Variants in RAD54L2 observed in about 807,000 individuals in gnomAD.
The protein encoded by RAD54L2 is RAD54 like 2, also known as helicase ARIP4.
Under a neutral mutation model 138.4 loss-of-function variants are expected in RAD54L2, and 27 were observed. The ratio of observed to expected loss-of-function variants is 0.20; its 90% confidence interval spans 0.14 to 0.27. The LOEUF (loss-of-function observed/expected upper bound fraction) is 0.27, where lower values mean the gene tolerates loss of function less well. RAD54L2 is among the 10% of genes least tolerant of loss of function. The probability of loss-of-function intolerance (pLI) is 1.00; values close to 1 mark genes in which losing one functional copy is unlikely to be tolerated. For missense variants in RAD54L2, 1,396 were observed against 1,890.2 expected (o/e 0.74, Z 4.85); for synonymous variants, 644 against 723.2 (o/e 0.89, Z 1.76).
In RAD54L2 at chr3:51,629,347, G is replaced by C. The variant is rs949793333; in HGVS notation, c.355G>C (p.Glu119Gln). The C allele has an allele frequency of 3.8e-6, 6 of 1,591,166 alleles. No individual in the cohort carries two copies. The highest frequency in any genetic ancestry group is 4.3e-6 in the Non-Finnish European group (5 of 1,168,704). Residue 119 changes from glutamate to glutamine, a missense_variant, in exon 5 of 23, where the codon GAG (glutamate) becomes CAG (glutamine). By Grantham distance (29) the Glu-to-Gln change is conservative. This residue lies in a region of RAD54L2 where 256 missense variants were observed against 344.6 expected (regional missense o/e 0.74). Coordinates refer to ENST00000684192, the MANE Select transcript of RAD54L2 (RefSeq NM_015106.4). Reference sequence around the variant, plus strand: ...GTGAATGTTTAGAAAGCTACTCCGGGAGGATCAATTGGAGCCTGTTACCAA... The same window carrying C: ...GTGAATGTTTAGAAAGCTACTCCGGCAGGATCAATTGGAGCCTGTTACCAA... The part of the protein sequence containing the change: ...MRRNIRKLLR[E>Q]DQLEPVTKAA...
intron 15 of RAD54L2, among the ~76,000 whole-genome samples, chr3:51,643,286 G>A (rs1321885202): frequency 6.6e-6 from 1 of 152,170 alleles, no homozygotes. Context: ...GCACGCCTTG[G>A]CCTCCCAAAC....
intron 7 of RAD54L2, among the ~76,000 whole-genome samples, chr3:51,633,186 C>CTG (rs1432243589): frequency 6.6e-6 from 1 of 152,200 alleles, no homozygotes; most frequent in Admixed American, 6.5e-5. Context: ...CACCACTGCA[C>CTG]TCCAGCCTGG....
At chr3:51,548,629 G>A (rs1698759063) in intron 2 of RAD54L2, among the ~76,000 whole-genome samples, 1 of 152,144 alleles carries the variant, frequency 6.6e-6, no homozygotes, top group South Asian at 2.1e-4. Context: ...GAAAAGCTGG[G>A]AATTGCTGCC....
chr3:51,558,458 C>CT (rs908502507), intron 2 of RAD54L2, among the ~76,000 whole-genome samples: 2 of 45,590 alleles, frequency 4.4e-5, no homozygotes, highest in Non-Finnish European at 8.1e-5. Context: ...TGAAGGTCCA[C>CT]TTCTCTCTCT....
intron 19 of RAD54L2, among the ~76,000 whole-genome samples, chr3:51,647,379 C>T (rs9839516): frequency 0.044 from 6,755 of 152,060 alleles, 496 homozygotes; most frequent in African/African-American, 0.15. Flanking sequence ...ATTAAAAAAA[C>T]TTTTTTGGCT....
At chr3:51,582,379 T>C (rs936241348) in intron 2 of RAD54L2, among the ~76,000 whole-genome samples, 2 of 63,300 alleles carry the variant, frequency 3.2e-5, no homozygotes, top group African/African-American at 8.2e-5. Flanking sequence ...AGAGATCTTA[T>C]TTTTTTCCTC....
chr3:51,543,561 T>A (rs1698609623), intron 2 of RAD54L2, among the ~76,000 whole-genome samples: 1 of 150,796 alleles, frequency 6.6e-6, no homozygotes, highest in African/African-American at 2.4e-5. Flanking sequence ...TGAGCAGAGG[T>A]TGTGCTAGTG....
chr3:51,571,618 T>TG (rs1358234784), intron 2 of RAD54L2, among the ~76,000 whole-genome samples: 1 of 152,090 alleles, frequency 6.6e-6, no homozygotes, highest in Non-Finnish European at 1.5e-5. Context: ...CCTGCACACC[T>TG]GGGCCTCCCA....
intron 2 of RAD54L2, among the ~76,000 whole-genome samples, chr3:51,571,823 G>A (rs181480064): frequency 6.6e-6 from 1 of 150,848 alleles, no homozygotes; most frequent in Non-Finnish European, 1.5e-5. Flanking sequence ...AGAAATAGGG[G>A]TTTTTTTTTA....
At chr3:51,625,166 C>T (rs1700651155) in intron 3 of RAD54L2, among the ~76,000 whole-genome samples, 1 of 152,202 alleles carries the variant, frequency 6.6e-6, no homozygotes, top group East Asian at 1.9e-4. Context: ...CTCCTGTAAT[C>T]CCAGCACTTT....
chr3:51,576,720 A>T (rs183445687), intron 2 of RAD54L2, among the ~76,000 whole-genome samples: 1 of 151,770 alleles, frequency 6.6e-6, no homozygotes, highest in Non-Finnish European at 1.5e-5. Context: ...TATTGTGTCT[A>T]TTTGATTCTT....
Position 51,663,101 on chromosome 3 carries a change from T to C in RAD54L2, c.4085T>C (p.Val1362Ala). 6.2e-7 allele frequency: 1 copy of C among 1,613,924 alleles called. No homozygotes were observed. The highest frequency in any genetic ancestry group is 8.5e-7 in the Non-Finnish European group (1 of 1,179,848). The change falls in exon 23 of 23, where the codon GTC (valine) becomes GCC (alanine). Residue 1362 changes from valine to alanine, a missense_variant. Val to Ala is a moderately conservative substitution (Grantham distance 64). This residue lies in a region of RAD54L2 where 634 missense variants were observed against 711.2 expected (regional missense o/e 0.89). Transcript: ENST00000684192. The part of the protein sequence containing the change: ...PVSSSSTATS[V>A]TASNPSFMLN... ...AGTTCCTCTTCCACGGCTACCTCAG[T>C]CACTGCCAGCAACCCCTCCTTCATG...
intron 14 of RAD54L2, 111 bp downstream of exon 14, chr3:51,640,110 ACCT>A: frequency 1.4e-6 from 1 of 705,814 alleles, no homozygotes; most frequent in Non-Finnish European, 2.4e-6. Flanking sequence ...TATTGTGAGG[ACCT>A]TCTTGCATGT....
intron 3 of RAD54L2, among the ~76,000 whole-genome samples, chr3:51,613,354 G>T (rs1180148693): frequency 6.6e-6 from 1 of 152,194 alleles, no homozygotes; most frequent in Non-Finnish European, 1.5e-5. Context: ...TTTGTGGCTG[G>T]TTTGCTGAGA....
chr3:51,646,380 C>A lies in RAD54L2; in HGVS notation c.2925C>A (p.Asp975Glu). Residue 975 changes from aspartate to glutamate, a missense_variant, in exon 19 of 23, where the codon GAC becomes GAA. By Grantham distance (45) the Asp-to-Glu change is conservative. Transcript: ENST00000684192. ...CAGCAAAGAAAAGCTATGAGGAAGA[C>A]AAACGCACATCAGTCCCCTATACCC... ...KKAAKKSYEE[D>E]KRTSVPYTRP... 1 of 1,613,644 alleles carries A rather than the reference C, an allele frequency of 6.2e-7. No homozygotes were observed. The highest frequency in any genetic ancestry group is 8.5e-7 in the Non-Finnish European group (1 of 1,179,770).
chr3:51,573,695 C>T (rs1191853830), intron 2 of RAD54L2, among the ~76,000 whole-genome samples: 8 of 152,148 alleles, frequency 5.3e-5, no homozygotes, highest in Admixed American at 1.3e-4. Flanking sequence ...GTCTCGAACT[C>T]CTGACCTCAG....
At chr3:51,563,734 A>G (rs1699151178) in intron 2 of RAD54L2, among the ~76,000 whole-genome samples, 1 of 152,114 alleles carries the variant, frequency 6.6e-6, no homozygotes. Context: ...TAATATATTT[A>G]GTGAGTTTTA....
At chr3:51,639,309 T>A (rs1301297094) in intron 12 of RAD54L2, 110 bp from the exon 13 acceptor site, 5 of 1,316,034 alleles carry the variant, frequency 3.8e-6, no homozygotes, top group African/African-American at 1.5e-5. Flanking sequence ...GGTGTGACAG[T>A]GTTTATTGTG....
rs113639116 is a variant in RAD54L2 at position 51,573,449 on chromosome 3, AT to A, written c.-54-16906del. 4.8e-4 allele frequency among the ~76,000 whole-genome samples: 70 copies of A among 146,604 alleles called. 1 individual carries two copies. Among genetic ancestry groups the A allele is most frequent in the Admixed American group, 7.5e-4 (11 of 14,648 alleles). Reference sequence around the variant, plus strand: ...GTTAGGTTATATTTCAAATCTATCTATTTTTTTTTTTTGAGATGGAGTCTTG... The same window carrying A: ...GTTAGGTTATATTTCAAATCTATCTATTTTTTTTTTTGAGATGGAGTCTTG... On this transcript the variant is annotated intron_variant, in intron 2 of 22. Transcript: ENST00000684192.
Sources: allele counts gnomAD v4.1 joint callset (sites outside exome capture counted in the v4.1 genomes callset), GRCh38; gene constraint gnomAD v4.1.1; regional missense constraint gnomAD v4.1.1; transcripts MANE v1.5; gene names NCBI Gene and HGNC (gene_info 2026-07-23, HGNC 2026-07-21).